DHRS11: variants seen among roughly 807,000 people sequenced by gnomAD.
DHRS11 encodes dehydrogenase/reductase SDR family member 11.
Under a neutral mutation model 30.7 loss-of-function variants are expected in DHRS11, and 18 were observed. That is an observed-to-expected ratio of 0.59 (90% CI 0.41 to 0.87). The LOEUF is 0.87. Ranked by LOEUF, DHRS11 falls within the 40% of genes least tolerant of loss-of-function variation. DHRS11 has a pLI of 0.00. For missense variants in DHRS11, 300 were observed against 349.0 expected (o/e 0.86, Z 1.12); for synonymous variants, 123 against 139.6 (o/e 0.88, Z 0.84).
chr17:36,597,700 A>G (rs969916203), intron 2 of DHRS11: 1 of 200,214 alleles, frequency 5.0e-6, no homozygotes, highest in Non-Finnish European at 1.0e-5. Flanking sequence ...GTGCCGGAGG[A>G]GAGAGATTTG....
chr17:36,599,494 G>A (rs1599569289), intron 4 of DHRS11, 177 bp from the exon 5 acceptor site: 1 of 627,966 alleles, frequency 1.6e-6, no homozygotes, highest in Non-Finnish European at 2.8e-6. Flanking sequence ...AGGCTCTGTA[G>A]ATGGTAGGTA....
rs377050445 is a variant in DHRS11, at chr17:36,598,917, C to T, written c.453-4C>T. ...TCCTCTTTCCCCTTCCTCTCCCCAC[C>T]CAGCATGTCTGGCCACCGAGTGTTA... On this transcript the variant is annotated splice_polypyrimidine_tract_variant and splice_region_variant and intron_variant, in intron 3 of 6. Transcript: ENST00000618403. 1.9e-6 allele frequency: 3 copies of T among 1,611,052 alleles called. No individual in the cohort carries two copies. Among genetic ancestry groups the T allele is most frequent in the East Asian group, 2.2e-5 (1 of 44,800 alleles).
intron 2 of DHRS11, chr17:36,596,515 C>A (rs1003107862): frequency 2.3e-5 from 5 of 213,996 alleles, no homozygotes; most frequent in South Asian, 7.1e-5. Context: ...GACACCCCCC[C>A]ACTCCCATTC....
rs1453369221 is a variant in DHRS11 at position 36,600,287 on chromosome 17, C to CA, written c.*84_*85insA. On this transcript the variant is annotated 3_prime_UTR_variant, in exon 7 of 7. Coordinates refer to ENST00000618403, the MANE Select transcript of DHRS11 (RefSeq NM_024308.4). ...ATTTTAGGTGTTGATTTCTGGATCA[C>CA]GGGATACCACTTCCTGTCCACACCC... 3.3e-6 allele frequency: 5 copies of CA among 1,533,626 alleles called. No homozygotes were observed. In the East Asian group the frequency reaches 1.1e-4, roughly 35 times the overall value.
intron 4 of DHRS11, 173 bp downstream of exon 4, chr17:36,599,223 C>A: frequency 9.7e-7 from 1 of 1,029,524 alleles, no homozygotes; most frequent in Non-Finnish European, 1.4e-6. Context: ...CCCTTCATTT[C>A]CTCATTTCAC....
chr17:36,595,316 T>G, intron 2 of DHRS11, 136 bp downstream of exon 2: 1 of 854,660 alleles, frequency 1.2e-6, no homozygotes, highest in Non-Finnish European at 1.8e-6. Flanking sequence ...TGGGGCATCT[T>G]GACTCTCTCT....
At chr17:36,595,505 C>T (rs916065930) in intron 2 of DHRS11, among the ~76,000 whole-genome samples, 3 of 143,048 alleles carry the variant, frequency 2.1e-5, no homozygotes, top group African/African-American at 5.0e-5. Context: ...CTGCAACTTC[C>T]GCTTCCCAGG....
chr17:36,592,248 G>A lies in DHRS11; in HGVS notation c.147+92G>A. 1.2e-5 allele frequency: 15 copies of A among 1,220,734 alleles called. No homozygotes were observed. Among genetic ancestry groups the A allele is most frequent in the Non-Finnish European group, 1.5e-5 (15 of 978,672 alleles). 75.6% of individuals were successfully genotyped at this position (1,220,734 alleles called of 1,614,324 possible). ...CGCCACGCCGGGGCCCTTTGCTCTA[G>A]TCGGGGCGGCCTCTCGGATCCCTTA... On this transcript the variant is annotated intron_variant, in intron 1 of 6. Coordinates refer to ENST00000618403, the MANE Select transcript of DHRS11 (RefSeq NM_024308.4). The surrounding 1 kb of genome is among the most constrained non-coding windows in gnomAD (Gnocchi z 4.4).
Position 36,598,175 on chromosome 17 carries a change from G to C in DHRS11, c.370G>C (p.Ala124Pro), listed in dbSNP as rs1413138156. 6.2e-7 allele frequency: 1 copy of C among 1,613,944 alleles called. No individual in the cohort carries two copies. The highest frequency in any genetic ancestry group is 8.5e-7 in the Non-Finnish European group (1 of 1,179,986). Residue 124 changes from alanine to proline, a missense_variant, in exon 3 of 7, where the codon GCC (alanine) becomes CCC (proline). By Grantham distance (27) the Ala-to-Pro change is conservative (BLOSUM62 -1). Coordinates refer to ENST00000618403, the MANE Select transcript of DHRS11 (RefSeq NM_024308.4). ...WKDMFNVNVL[A>P]LSICTREAYQ... ...CCCTGGCCTGCAGGTGAACGTGCTG[G>C]CCCTCAGCATCTGCACACGGGAAGC...
rs745706948 is a variant in DHRS11 at position 36,598,244 on chromosome 17, A to G, written c.439A>G (p.Ile147Val). ...KERNVDDGHI[I>V]NINSMSGHRV... ...GCGGAATGTGGACGATGGGCACATC[A>G]TTAACATCAATAGGTGAGGGCAGGT... The change falls in exon 3 of 7, where the codon ATT (isoleucine) becomes GTT (valine). Residue 147 changes from isoleucine (I) to valine (V), a missense_variant. Ile to Val is a conservative substitution (Grantham distance 29, BLOSUM62 3). Transcript: ENST00000618403. 1.2e-6 allele frequency: 2 copies of G among 1,614,108 alleles called. No homozygotes were observed. Among genetic ancestry groups the G allele is most frequent in the Non-Finnish European group, 1.7e-6 (2 of 1,179,970 alleles).
Position 36,599,022 on chromosome 17 carries a change from G to A in DHRS11, c.554G>A (p.Arg185Gln), listed in dbSNP as rs752633188. The change falls in exon 4 of 7, where the codon CGG becomes CAG. Residue 185 changes from arginine (R) to glutamine (Q), a missense_variant. By Grantham distance (43) the Arg-to-Gln change is conservative. Coordinates refer to ENST00000618403, the MANE Select transcript of DHRS11 (RefSeq NM_024308.4). Reference protein sequence around the residue: ...ALTEGLRQELREAQTHIRATC... With the variant: ...ALTEGLRQELQEAQTHIRATC... The stretch of plus-strand genomic sequence containing the variant: ...ACAGAGGGACTGAGGCAAGAGCTTC[G>A]GGAGGCCCAGACCCACATCCGAGCC... The A allele has an allele frequency of 1.6e-5, 26 of 1,612,564 alleles. No individual in the cohort carries two copies. Among genetic ancestry groups the A allele is most frequent in the South Asian group, 1.4e-4 (13 of 91,076 alleles).
intron 1 of DHRS11, chr17:36,594,496 T>C (rs759799177): frequency 3.3e-4 from 64 of 192,484 alleles, no homozygotes; most frequent in Non-Finnish European, 5.9e-4. Context: ...TGCAGTGGCG[T>C]GATCTCAGCT....
chr17:36,593,316 A>AG (rs1199725282), intron 1 of DHRS11, among the ~76,000 whole-genome samples: 1 of 152,116 alleles, frequency 6.6e-6, no homozygotes, highest in East Asian at 1.9e-4. Flanking sequence ...CCCTGTTGTG[A>AG]GGGGGTGACA....
intron 1 of DHRS11, among the ~76,000 whole-genome samples, chr17:36,593,244 C>T (rs2074782990): frequency 6.6e-6 from 1 of 152,170 alleles, no homozygotes; most frequent in South Asian, 2.1e-4. Flanking sequence ...GCCTGAGCCC[C>T]AAGGGGATCC....
At chr17:36,596,098 A>G (rs1416718025) in intron 2 of DHRS11, among the ~76,000 whole-genome samples, 4 of 152,040 alleles carry the variant, frequency 2.6e-5, no homozygotes, top group African/African-American at 9.7e-5. Flanking sequence ...GCACACAGCC[A>G]CTGCTCAAAT....
chr17:36,599,872 G>A, intron 5 of DHRS11, 100 bp from the exon 6 acceptor site: 1 of 1,582,906 alleles, frequency 6.3e-7, no homozygotes, highest in South Asian at 1.1e-5. Context: ...CCTCCTGGAG[G>A]GTTGGGGTGG....
At chr17:36,598,469 G>A in intron 3 of DHRS11, 1 of 590,914 alleles carries the variant, frequency 1.7e-6, no homozygotes, top group Non-Finnish European at 3.0e-6. Flanking sequence ...CTCTACAGCT[G>A]AAGCCTGGGG....
rs1567839975 is a variant in DHRS11 at position 36,592,261 on chromosome 17, C to T, written c.147+105C>T. 1 of 1,202,878 alleles carries T rather than the reference C, an allele frequency of 8.3e-7. No homozygotes were observed. The highest frequency in any genetic ancestry group is 1.0e-6 in the Non-Finnish European group (1 of 963,080). 74.5% of individuals were successfully genotyped at this position (1,202,878 alleles called of 1,614,324 possible). A position where few individuals can be genotyped will look rare whatever the true frequency, so the allele number is the denominator to read the frequency against. The stretch of plus-strand genomic sequence containing the variant: ...CCCTTTGCTCTAGTCGGGGCGGCCT[C>T]TCGGATCCCTTAAGGCAGGCTTCTC... On this transcript the variant is annotated intron_variant, in intron 1 of 6. Coordinates refer to ENST00000618403, the MANE Select transcript of DHRS11 (RefSeq NM_024308.4). The surrounding 1 kb of genome is among the most constrained non-coding windows in gnomAD (Gnocchi z 4.4).
Position 36,591,981 on chromosome 17 carries a change from C to T in DHRS11, c.-29C>T. 2.5e-6 allele frequency: 3 copies of T among 1,224,382 alleles called. No individual in the cohort carries two copies. The highest frequency in any genetic ancestry group is 3.1e-6 in the Non-Finnish European group (3 of 983,350). 75.8% of individuals were successfully genotyped at this position (1,224,382 alleles called of 1,614,324 possible). A position where few individuals can be genotyped will look rare whatever the true frequency, so the allele number is the denominator to read the frequency against. ...TCCTCGACCCCCGTGTCGGGCTAGT[C>T]CAGCGAGGCGGACGGGCGGCGTGGG... On this transcript the variant is annotated 5_prime_UTR_variant, in exon 1 of 7. Coordinates refer to ENST00000618403, the MANE Select transcript of DHRS11 (RefSeq NM_024308.4).
Sources: allele counts gnomAD v4.1 joint callset (sites outside exome capture counted in the v4.1 genomes callset), GRCh38; gene constraint gnomAD v4.1.1; non-coding constraint Gnocchi (gnomAD v3.1); transcripts MANE v1.5; gene names NCBI Gene and HGNC (gene_info 2026-07-23, HGNC 2026-07-21).